Variants in ARHGAP18 observed in about 807,000 individuals in gnomAD.
ARHGAP18 encodes Rho GTPase activating protein 18, also known as rho GTPase-activating protein 18.
Under a neutral mutation model 86.2 loss-of-function variants are expected in ARHGAP18, and 67 were observed. The ratio of observed to expected loss-of-function variants is 0.78; its 90% CI spans 0.64 to 0.95. The LOEUF is 0.95. Ranked by LOEUF, ARHGAP18 falls within the 40% of genes least tolerant of loss-of-function variation. ARHGAP18 has a pLI of 0.00. For synonymous variants in ARHGAP18, 283 were observed against 280.4 expected (o/e 1.01, Z -0.09); for missense variants, 691 against 780.4 (o/e 0.89, Z 1.37).
chr6:129,643,120 A>AT (rs1016503766), intron 1 of ARHGAP18, among the ~76,000 whole-genome samples: 1 of 151,914 alleles, frequency 6.6e-6, no homozygotes, highest in Non-Finnish European at 1.5e-5. Flanking sequence ...TAATAAAATA[A>AT]TTTTTTGTTT....
chr6:129,586,618 G>C (rs1214503832), intron 12 of ARHGAP18, among the ~76,000 whole-genome samples: 1 of 152,076 alleles, frequency 6.6e-6, no homozygotes, highest in African/African-American at 2.4e-5. Flanking sequence ...AGCCAAATCT[G>C]CACTGACATT....
At chr6:129,686,097 C>T (rs533209174) in intron 1 of ARHGAP18, among the ~76,000 whole-genome samples, 37 of 152,292 alleles carry the variant, frequency 2.4e-4, no homozygotes, top group Admixed American at 2.3e-3. Context: ...ACCCTAACAC[C>T]GAGCTCTCCC....
At chr6:129,625,701 T>TATATATTATATATATTA in intron 5 of ARHGAP18, among the ~76,000 whole-genome samples, 1 of 57,714 alleles carries the variant, frequency 1.7e-5, no homozygotes, top group African/African-American at 6.9e-5. Flanking sequence ...ATTATATATT[T>TATATATTATATATATTA]ATATATTATA....
rs77907402 is a variant in ARHGAP18 at position 129,663,211 on chromosome 6, C to T, written c.114-21193G>A. On this transcript the variant is annotated intron_variant, in intron 1 of 14. Coordinates refer to ENST00000368149, the MANE Select transcript of ARHGAP18 (RefSeq NM_033515.3). ...GCTGTGACAGGGTTTAGAGCTGAAA[C>T]GACCCTAGAGATCACTAAGTCCAGT... Among the ~76,000 whole-genome samples, 1,191 of 152,268 alleles carry T rather than the reference C, an allele frequency of 7.8e-3. 14 individuals carry two copies. The highest frequency in any genetic ancestry group is 0.011 in the Non-Finnish European group (743 of 68,022).
intron 5 of ARHGAP18, among the ~76,000 whole-genome samples, chr6:129,627,062 A>C (rs1430382722): frequency 6.6e-6 from 1 of 152,140 alleles, no homozygotes; most frequent in Non-Finnish European, 1.5e-5. Context: ...ATACCAGACA[A>C]GCCTGTAAAA....
In ARHGAP18 at chr6:129,641,859, G is replaced by T. The variant is rs1773471829; in HGVS notation, c.273C>A (p.Asn91Lys). 2.5e-6 allele frequency: 4 copies of T among 1,613,796 alleles called. No individual in the cohort carries two copies. The highest frequency in any genetic ancestry group is 2.5e-6 in the Non-Finnish European group (3 of 1,179,884). Residue 91 changes from asparagine (N) to lysine (K), a missense_variant, in exon 2 of 15, where the codon AAC becomes AAA. Coordinates refer to ENST00000368149, the MANE Select transcript of ARHGAP18 (RefSeq NM_033515.3). ...CAACCACCTCTTGATCTTCTTGGCT[G>T]TTTTCACTAGATTTCTTGATGTTTT... The part of the protein sequence containing the change: ...ELENIKKSSE[N>K]SQEDQEVVVV...
At chr6:129,668,131 G>A (rs1031147406) in intron 1 of ARHGAP18, among the ~76,000 whole-genome samples, 2 of 152,116 alleles carry the variant, frequency 1.3e-5, no homozygotes, top group Non-Finnish European at 2.9e-5. Context: ...TGGAATTATC[G>A]TGTAACAAGC....
At chr6:129,613,386 T>G (rs1305818908) in intron 7 of ARHGAP18, among the ~76,000 whole-genome samples, 1 of 152,190 alleles carries the variant, frequency 6.6e-6, no homozygotes. Flanking sequence ...ATTTAAAACC[T>G]AATGTAACCA....
At chr6:129,607,788 A>T in intron 9 of ARHGAP18, 105 bp downstream of exon 9, 1 of 1,272,850 alleles carries the variant, frequency 7.9e-7, no homozygotes, top group Non-Finnish European at 1.0e-6. Context: ...CAATATGTCC[A>T]CCCAAATACG....
chr6:129,680,220 C>G (rs1237511710), intron 1 of ARHGAP18, among the ~76,000 whole-genome samples: 1 of 152,136 alleles, frequency 6.6e-6, no homozygotes, highest in Non-Finnish European at 1.5e-5. Flanking sequence ...ATCAGACAAT[C>G]ATACCTACAC....
intron 1 of ARHGAP18, among the ~76,000 whole-genome samples, chr6:129,692,765 T>C (rs1439270666): frequency 6.6e-6 from 1 of 152,154 alleles, no homozygotes. Context: ...CCCCGTACCT[T>C]TGGCTTCCTG....
rs773168308 is a variant in ARHGAP18 at position 129,600,838 on chromosome 6, T to G, written c.1376A>C (p.Glu459Ala). 56 of 1,611,124 alleles carry G rather than the reference T, an allele frequency of 3.5e-5. No homozygotes were observed. The South Asian group carries it at 3.9e-4, about 11-fold the overall frequency. The change falls in exon 11 of 15, where the codon GAA (glutamate) becomes GCA (alanine). Residue 459 changes from glutamate to alanine, a missense_variant. Glu to Ala is a moderately radical substitution (Grantham distance 107, BLOSUM62 -1). Coordinates refer to ENST00000368149, the MANE Select transcript of ARHGAP18 (RefSeq NM_033515.3). ...ATTATCTATTACTCTTTGGAGAAAT[T>G]CAAGAAGGGCCTGAAACAGAAATGA... ...ANRDTLKALL[E>A]FLQRVIDNKE... is the part of the protein sequence containing the mutation.
chr6:129,585,036 T>A (rs77540372), intron 12 of ARHGAP18, among the ~76,000 whole-genome samples: 3 of 139,834 alleles, frequency 2.1e-5, no homozygotes, highest in South Asian at 2.3e-4. Flanking sequence ...TTTTTTTTTT[T>A]AATGTACATG....
At chr6:129,642,314 T>C (rs1021319726) in intron 1 of ARHGAP18, among the ~76,000 whole-genome samples, 9 of 152,220 alleles carry the variant, frequency 5.9e-5, no homozygotes, top group African/African-American at 2.2e-4. Context: ...CGACAAGGTC[T>C]TGCTCTGTTG....
chr6:129,591,125 T>C (rs961048563), intron 12 of ARHGAP18, among the ~76,000 whole-genome samples: 5 of 152,188 alleles, frequency 3.3e-5, no homozygotes, highest in African/African-American at 1.2e-4. Context: ...TATTAAGTAC[T>C]AGAATCATGC....
chr6:129,581,616 G>A (rs1419853194), intron 13 of ARHGAP18, among the ~76,000 whole-genome samples: 1 of 152,076 alleles, frequency 6.6e-6, no homozygotes, highest in Non-Finnish European at 1.5e-5. Flanking sequence ...GGTATATTCA[G>A]ATTTTTGCGT....
intron 2 of ARHGAP18, among the ~76,000 whole-genome samples, chr6:129,639,088 T>C (rs1458839123): frequency 6.6e-6 from 1 of 152,200 alleles, no homozygotes; most frequent in East Asian, 1.9e-4. Flanking sequence ...TGACAGGAAG[T>C]GCAGCAAAGA....
intron 12 of ARHGAP18, among the ~76,000 whole-genome samples, chr6:129,592,971 C>T (rs1788547145): frequency 6.6e-6 from 1 of 152,108 alleles, no homozygotes; most frequent in Admixed American, 6.5e-5. Context: ...ATTCTTTCTA[C>T]TCGTATGTGT....
chr6:129,631,761 TTA>T (rs144804754), intron 4 of ARHGAP18, among the ~76,000 whole-genome samples: 31,042 of 136,190 alleles, frequency 0.23, 3,315 homozygotes, highest in Non-Finnish European at 0.26. Context: ...TGCTTCTATT[TTA>T]AAAAAAAAAA....
Sources: gnomAD v4.1 joint callset for allele counts (sites outside exome capture counted in the v4.1 genomes callset) on GRCh38, gnomAD v4.1.1 for gene constraint, MANE v1.5 for transcripts, NCBI Gene and HGNC (gene_info 2026-07-23, HGNC 2026-07-21) for gene names.